The following SNRPC variants were observed in gnomAD, a reference collection of about 807,000 sequenced individuals.
SNRPC encodes the protein small nuclear ribonucleoprotein polypeptide C, also known as U1 small nuclear ribonucleoprotein C.
Under a neutral mutation model 20.0 loss-of-function variants are expected in SNRPC, and 5 were observed. That is an observed-to-expected ratio of 0.25 (90% CI 0.13 to 0.53). The LOEUF is 0.53. SNRPC is among the 20% of genes least tolerant of loss of function. The probability of loss-of-function intolerance (pLI) is 0.96; values close to 1 mark genes in which losing one functional copy is unlikely to be tolerated. For synonymous variants in SNRPC, 61 were observed against 58.7 expected, an observed-to-expected ratio of 1.04 and a Z score of -0.18; for missense variants, 112 against 224.1, an observed-to-expected ratio of 0.50 and a Z score of 3.19.
intron 4 of SNRPC, among the ~76,000 whole-genome samples, chr6:34,769,249 A>G (rs1038507004): frequency 4.3e-5 from 4 of 92,080 alleles, no homozygotes; most frequent in African/African-American, 2.0e-4. Context: ...TTTTTTTTTG[A>G]GACAGAGTCT....
In SNRPC at chr6:34,773,206, A is replaced by G. The variant is rs1208212227; in HGVS notation, c.356-240A>G. 6.6e-6 allele frequency among the ~76,000 whole-genome samples: 1 copy of G among 152,174 alleles called. No homozygotes were observed. Among genetic ancestry groups the G allele is most frequent in the Non-Finnish European group, 1.5e-5 (1 of 68,028 alleles). Reference sequence around the variant, plus strand: ...GTCTATTAATAGTTTCCCCCTTACTATCATTAGATCATGATTCCCATATGG... The same window carrying G: ...GTCTATTAATAGTTTCCCCCTTACTGTCATTAGATCATGATTCCCATATGG... On this transcript the variant is annotated intron_variant, in intron 5 of 5. Transcript: ENST00000244520. The surrounding 1 kb of genome is among the most constrained non-coding windows in gnomAD (Gnocchi z 4.1).
In SNRPC at chr6:34,773,156, T is replaced by G; in HGVS notation, c.356-290T>G. ...AAAAAAGGTCAGTTTAGGGAACTAG[T>G]GTCCCTGGCGATTTCTGGAAAGCAG... On this transcript the variant is annotated intron_variant, in intron 5 of 5. Transcript: ENST00000244520. The surrounding 1 kb of genome is among the most constrained non-coding windows in gnomAD (Gnocchi z 4.1). The G allele has an allele frequency of 3.1e-6, 1 of 322,884 alleles. No individual in the cohort carries two copies. The allele number at this position is 322,884 out of a possible 1,614,324, so 20.0% of individuals were successfully genotyped here.
At chr6:34,757,834 A>G (rs776050653) in intron 1 of SNRPC, 78 bp from the exon 2 acceptor site, 36 of 1,608,158 alleles carry the variant, frequency 2.2e-5, no homozygotes, top group Non-Finnish European at 3.0e-5. Context: ...TTTTGTTTTT[A>G]TCTTCCATGA....
chr6:34,764,189 CA>C (rs1273654708), intron 3 of SNRPC, among the ~76,000 whole-genome samples: 1 of 147,336 alleles, frequency 6.8e-6, no homozygotes, highest in Non-Finnish European at 1.5e-5. Context: ...ACTAAAAATA[CA>C]AAAAATTGGC....
chr6:34,768,775 A>G, intron 4 of SNRPC, among the ~76,000 whole-genome samples: 1 of 149,034 alleles, frequency 6.7e-6, no homozygotes, highest in African/African-American at 2.5e-5. Flanking sequence ...AAAAAAGAAA[A>G]GAAAAGAAGG....
intron 5 of SNRPC, among the ~76,000 whole-genome samples, chr6:34,772,205 C>T (rs1764700685): frequency 6.6e-6 from 1 of 152,096 alleles, no homozygotes; most frequent in African/African-American, 2.4e-5. Context: ...TCATTATACT[C>T]TTCTTTACTA....
intron 3 of SNRPC, among the ~76,000 whole-genome samples, chr6:34,765,101 C>T (rs553225178): frequency 6.6e-6 from 1 of 152,126 alleles, no homozygotes; most frequent in Non-Finnish European, 1.5e-5. Flanking sequence ...AGCTGTAGCA[C>T]TCTTGTTCCA....
intron 3 of SNRPC, among the ~76,000 whole-genome samples, chr6:34,766,474 C>A (rs576287802): frequency 3.3e-5 from 5 of 152,334 alleles, no homozygotes; most frequent in African/African-American, 4.8e-5. Flanking sequence ...GCTAGGATTA[C>A]AGGCAGGAGC....
chr6:34,758,030 T>G (rs1309777818), intron 2 of SNRPC, 76 bp downstream of exon 2: 1 of 1,502,024 alleles, frequency 6.7e-7, no homozygotes, highest in Admixed American at 2.0e-5. Context: ...TTTTTTTAAG[T>G]TGCAAGTTGT....
At chr6:34,762,081 A>G (rs1338793137) in intron 2 of SNRPC, among the ~76,000 whole-genome samples, 1 of 152,132 alleles carries the variant, frequency 6.6e-6, no homozygotes, top group Non-Finnish European at 1.5e-5. Flanking sequence ...AGATGAGAGG[A>G]TCACTTGAGC....
chr6:34,771,531 A>G (rs1326406711), intron 5 of SNRPC, among the ~76,000 whole-genome samples: 1 of 152,072 alleles, frequency 6.6e-6, no homozygotes, highest in Non-Finnish European at 1.5e-5. Flanking sequence ...TTTTGGTGAT[A>G]GTTTATCTGA....
At chr6:34,771,569 A>T (rs1188637020) in intron 5 of SNRPC, among the ~76,000 whole-genome samples, 2 of 152,170 alleles carry the variant, frequency 1.3e-5, no homozygotes, top group East Asian at 3.8e-4. Context: ...GTTAGTTTTC[A>T]TAGAAGCTAT....
chr6:34,768,082 A>T (rs1271946696), intron 4 of SNRPC, 85 bp downstream of exon 4: 1 of 1,169,152 alleles, frequency 8.6e-7, no homozygotes, highest in East Asian at 2.4e-5. Context: ...TTGGCTTTCA[A>T]ATGCTGTTGC....
chr6:34,770,522 C>G (rs1581593645), intron 5 of SNRPC, 127 bp downstream of exon 5: 1 of 616,454 alleles, frequency 1.6e-6, no homozygotes, highest in East Asian at 2.8e-5. Flanking sequence ...TGCTCCACCT[C>G]TGAGGGTGGA....
chr6:34,766,900 G>A (rs528376627), intron 3 of SNRPC, among the ~76,000 whole-genome samples: 12 of 152,272 alleles, frequency 7.9e-5, no homozygotes, highest in South Asian at 2.1e-4. Context: ...GGGATGGGCT[G>A]TAGACAGCTT....
chr6:34,762,272 C>T (rs6934741), intron 2 of SNRPC, among the ~76,000 whole-genome samples: 22,078 of 151,432 alleles, frequency 0.15, 1,956 homozygotes, highest in African/African-American at 0.25. Flanking sequence ...CTATTGTATT[C>T]CAGCCTGGGC....
chr6:34,760,634 T>C (rs1764524046), intron 2 of SNRPC, among the ~76,000 whole-genome samples: 1 of 152,200 alleles, frequency 6.6e-6, no homozygotes, highest in Admixed American at 6.6e-5. Flanking sequence ...TATTTCTTTA[T>C]ATTATAAATA....
intron 1 of SNRPC, 63 bp downstream of exon 1, chr6:34,757,614 C>T: frequency 3.9e-6 from 6 of 1,557,536 alleles, no homozygotes; most frequent in Non-Finnish European, 5.3e-6. Context: ...CATGCAGGAG[C>T]GGAGAGCGGG....
At chr6:34,772,575 C>A (rs1194177205) in intron 5 of SNRPC, among the ~76,000 whole-genome samples, 1 of 152,124 alleles carries the variant, frequency 6.6e-6, no homozygotes, top group Non-Finnish European at 1.5e-5. Flanking sequence ...TTCTCTTGAA[C>A]CCTTTGCTGC....
Sources: allele counts gnomAD v4.1 joint callset (sites outside exome capture counted in the v4.1 genomes callset), GRCh38; gene constraint gnomAD v4.1.1; non-coding constraint Gnocchi (gnomAD v3.1); transcripts MANE v1.5; gene names NCBI Gene and HGNC (gene_info 2026-07-23, HGNC 2026-07-21).